SDK1: variants seen among roughly 807,000 people sequenced by gnomAD.
SDK1 encodes the protein sidekick cell adhesion molecule 1, also known as protein sidekick-1.
SDK1 carries 157 observed loss-of-function variants against 245.5 expected under a neutral mutation model. That is an observed-to-expected ratio of 0.64 (90% CI 0.56 to 0.73). The LOEUF (loss-of-function observed/expected upper bound fraction) is 0.73, where lower values mean the gene tolerates loss of function less well. Ranked by LOEUF, SDK1 falls within the 30% of genes least tolerant of loss-of-function variation. SDK1 has a pLI of 0.00. For missense variants in SDK1, 3,583 were observed against 3,002.3 expected, an observed-to-expected ratio of 1.19 and a Z score of -4.52; for synonymous variants, 1,647 against 1,278.5, an observed-to-expected ratio of 1.29 and a Z score of -6.15.
chr7:3,771,909 C>A (rs1227626964), intron 4 of SDK1, among the ~76,000 whole-genome samples: 1 of 152,178 alleles, frequency 6.6e-6, no homozygotes, highest in African/African-American at 2.4e-5. Context: ...AACAATAACT[C>A]CTAATTCCCT....
intron 1 of SDK1, among the ~76,000 whole-genome samples, chr7:3,548,434 T>C (rs1054811426): frequency 3.3e-5 from 5 of 152,218 alleles, no homozygotes; most frequent in Admixed American, 1.3e-4. Context: ...TAAATGTTAA[T>C]AGATAATGCG....
intron 4 of SDK1, among the ~76,000 whole-genome samples, chr7:3,681,341 C>T (rs150222428): frequency 3.3e-5 from 5 of 152,238 alleles, no homozygotes; most frequent in African/African-American, 1.2e-4. Flanking sequence ...ATTGTGTGTA[C>T]ACCCCAGTGA....
At chr7:4,197,345 G>C (rs28595222) in intron 35 of SDK1, among the ~76,000 whole-genome samples, 10,151 of 151,968 alleles carry the variant, frequency 0.067, 380 homozygotes, top group South Asian at 0.088. Context: ...ACAATTAGAT[G>C]GGTATAGTGA....
At chr7:3,328,449 A>G (rs1336293162) in intron 1 of SDK1, among the ~76,000 whole-genome samples, 1 of 152,032 alleles carries the variant, frequency 6.6e-6, no homozygotes, top group South Asian at 2.1e-4. Flanking sequence ...GGTTGCTTGT[A>G]TTAGTGTGGC....
At chr7:3,988,264 GC>G (rs1328477378) in intron 14 of SDK1, among the ~76,000 whole-genome samples, 2 of 141,882 alleles carry the variant, frequency 1.4e-5, no homozygotes, top group Non-Finnish European at 3.0e-5. Flanking sequence ...CTGGACCCCA[GC>G]CCCCACCTCC....
At chr7:3,843,363 C>T (rs1351188165) in intron 5 of SDK1, among the ~76,000 whole-genome samples, 1 of 152,180 alleles carries the variant, frequency 6.6e-6, no homozygotes, top group Non-Finnish European at 1.5e-5. Context: ...TTTGTAACTG[C>T]AGATGGGATA....
At chr7:3,684,240 A>G (rs909530518) in intron 4 of SDK1, among the ~76,000 whole-genome samples, 1 of 152,148 alleles carries the variant, frequency 6.6e-6, no homozygotes, top group African/African-American at 2.4e-5. Context: ...AAGCTGTGCA[A>G]GTTAACTATT....
intron 1 of SDK1, among the ~76,000 whole-genome samples, chr7:3,331,712 G>A (rs1250610039): frequency 2.0e-5 from 3 of 151,952 alleles, no homozygotes; most frequent in East Asian, 3.9e-4. Context: ...CCTTTCCTTT[G>A]GATACCAGGT....
chr7:3,532,625 G>GTTTCCTACTATAACT (rs1783386013), intron 1 of SDK1, among the ~76,000 whole-genome samples: 1 of 152,136 alleles, frequency 6.6e-6, no homozygotes, highest in Admixed American at 6.5e-5. Flanking sequence ...GTTAACTCCA[G>GTTTCCTACTATAACT]GTCATTATTA....
intron 1 of SDK1, among the ~76,000 whole-genome samples, chr7:3,502,381 G>C (rs111414136): frequency 0.033 from 4,994 of 152,034 alleles, 294 homozygotes; most frequent in African/African-American, 0.11. Context: ...TCCCGAGTAG[G>C]TGGGATTACA....
At position 3,541,337 on chromosome 7, in the gene SDK1, A is replaced by G. The variant is rs371627522; in HGVS notation, c.299-77743A>G. On this transcript the variant is annotated intron_variant, in intron 1 of 44. Transcript: ENST00000404826. ...TGTGTGCTTCCACTTGCTCAGAGCCATGCAGGCAACTTCTTACATGCAGAG... is the reference window on the plus strand; with the variant it reads ...TGTGTGCTTCCACTTGCTCAGAGCCGTGCAGGCAACTTCTTACATGCAGAG... Among the ~76,000 whole-genome samples, 27 of 152,344 alleles carry G rather than the reference A, an allele frequency of 1.8e-4. 3 individuals are homozygous for G. The highest frequency in any genetic ancestry group is 4.6e-4 in the Admixed American group (7 of 15,306).
At chr7:4,081,498 C>A (rs1001685992) in intron 22 of SDK1, among the ~76,000 whole-genome samples, 1 of 145,906 alleles carries the variant, frequency 6.9e-6, no homozygotes, top group Non-Finnish European at 1.5e-5. Flanking sequence ...CAGCTCACTG[C>A]AAGCTCTTCC....
chr7:4,157,967 A>G (rs142388309), intron 30 of SDK1, among the ~76,000 whole-genome samples: 1 of 152,052 alleles, frequency 6.6e-6, no homozygotes, highest in Non-Finnish European at 1.5e-5. Context: ...TCAGGCAGGA[A>G]CTCATTTTAT....
intron 19 of SDK1, among the ~76,000 whole-genome samples, chr7:4,058,632 A>G (rs545482138): frequency 9.2e-5 from 14 of 152,354 alleles, no homozygotes; most frequent in Admixed American, 3.3e-4. Flanking sequence ...GAGAACCCCC[A>G]TCAGACTAAC....
chr7:3,480,230 G>A (rs1273339984), intron 1 of SDK1, among the ~76,000 whole-genome samples: 1 of 152,206 alleles, frequency 6.6e-6, no homozygotes, highest in Non-Finnish European at 1.5e-5. Flanking sequence ...GATTCAGCAG[G>A]TCATTGCTGG....
chr7:4,077,577 A>G (rs1288321364), intron 21 of SDK1, among the ~76,000 whole-genome samples: 1 of 152,236 alleles, frequency 6.6e-6, no homozygotes, highest in African/African-American at 2.4e-5. Flanking sequence ...CATTTACAAA[A>G]GAAACAGGTT....
intron 1 of SDK1, among the ~76,000 whole-genome samples, chr7:3,495,556 G>T (rs1781998856): frequency 6.6e-6 from 1 of 152,186 alleles, no homozygotes; most frequent in African/African-American, 2.4e-5. Context: ...ACTGCTCTGG[G>T]CTGGAAAACT....
intron 9 of SDK1, among the ~76,000 whole-genome samples, chr7:3,963,880 A>G (rs10253575): frequency 0.038 from 4,188 of 109,062 alleles, 238 homozygotes; most frequent in African/African-American, 0.13. Flanking sequence ...CTACCCGGAC[A>G]TATCCAGTGG....
intron 1 of SDK1, among the ~76,000 whole-genome samples, chr7:3,521,525 T>G (rs1178333067): frequency 2.6e-5 from 4 of 152,164 alleles, no homozygotes; most frequent in Admixed American, 1.3e-4. Flanking sequence ...AAAAACTAAC[T>G]GGGAACTTGT....
Sources: allele counts gnomAD v4.1 joint callset (sites outside exome capture counted in the v4.1 genomes callset), GRCh38; gene constraint gnomAD v4.1.1; transcripts MANE v1.5; gene names NCBI Gene and HGNC (gene_info 2026-07-23, HGNC 2026-07-21).